TAF4B: variants seen among roughly 807,000 people sequenced by gnomAD.
TAF4B encodes the protein transcription initiation factor TFIID subunit 4B.
A neutral mutation model predicts 86.4 loss-of-function variants in TAF4B; 38 were observed. The observed-to-expected ratio is 0.44, with a 90% confidence interval of 0.34 to 0.58. The LOEUF (loss-of-function observed/expected upper bound fraction) is 0.58. Ranked by LOEUF, TAF4B falls within the 20% of genes least tolerant of loss-of-function variation. The pLI is 0.02. For synonymous variants in TAF4B, 388 were observed against 391.2 expected (o/e 0.99, Z 0.10); for missense variants, 988 against 1,027.6 (o/e 0.96, Z 0.53).
At chr18:26,265,898 G>A (rs1441251285) in intron 2 of TAF4B, 1 of 151,596 alleles carries the variant, frequency 6.6e-6, no homozygotes, top group Admixed American at 6.6e-5. Context: ...TCTGCCTCCC[G>A]AGTAGCTGGG....
intron 13 of TAF4B, among the ~76,000 whole-genome samples, chr18:26,356,791 GT>G (rs11324227): frequency 0.72 from 99,650 of 137,844 alleles, 38,181 homozygotes; most frequent in Non-Finnish European, 0.85. Context: ...CTCACTTGGT[GT>G]TTTTTTTTTT....
intron 13 of TAF4B, chr18:26,349,029 A>G (rs1567915820): frequency 6.6e-6 from 1 of 152,236 alleles, no homozygotes. Context: ...TGAATTAACC[A>G]AATAAACAAT....
At chr18:26,304,487 T>G (rs1371788155) in intron 9 of TAF4B, among the ~76,000 whole-genome samples, 1 of 152,168 alleles carries the variant, frequency 6.6e-6, no homozygotes, top group African/African-American at 2.4e-5. Context: ...TCAATAAATC[T>G]AAAACTTTGT....
intron 1 of TAF4B, among the ~76,000 whole-genome samples, chr18:26,261,050 T>A (rs2056157766): frequency 6.6e-6 from 1 of 152,174 alleles, no homozygotes; most frequent in Admixed American, 6.5e-5. Context: ...TTGGGTGTGT[T>A]ACTGTTTTTT....
chr18:26,345,928 G>C (rs2057175363), intron 13 of TAF4B, among the ~76,000 whole-genome samples: 1 of 152,180 alleles, frequency 6.6e-6, no homozygotes, highest in African/African-American at 2.4e-5. Context: ...AGTGAAATCA[G>C]GAAAACAATT....
chr18:26,251,142 G>A (rs955269024), intron 1 of TAF4B, among the ~76,000 whole-genome samples: 1 of 152,102 alleles, frequency 6.6e-6, no homozygotes, highest in Non-Finnish European at 1.5e-5. Flanking sequence ...GGTTGCAGAA[G>A]GTACCCTCAC....
chr18:26,235,659 T>C (rs1263694993), intron 1 of TAF4B, among the ~76,000 whole-genome samples: 1 of 152,066 alleles, frequency 6.6e-6, no homozygotes, highest in African/African-American at 2.4e-5. Context: ...AGACTGTCGA[T>C]GTGGGATGTG....
At chr18:26,375,243 T>A (rs1226105340) in intron 14 of TAF4B, among the ~76,000 whole-genome samples, 1 of 152,228 alleles carries the variant, frequency 6.6e-6, no homozygotes, top group Non-Finnish European at 1.5e-5. Context: ...GTAGCATGTA[T>A]CAGTACTTCA....
intron 14 of TAF4B, among the ~76,000 whole-genome samples, chr18:26,370,396 C>G (rs1436608105): frequency 6.6e-6 from 1 of 151,774 alleles, no homozygotes; most frequent in Non-Finnish European, 1.5e-5. Flanking sequence ...GAGATATTAG[C>G]AGATTCCAAT....
chr18:26,325,980 A>G (rs922509109), intron 11 of TAF4B, among the ~76,000 whole-genome samples: 8 of 152,218 alleles, frequency 5.3e-5, no homozygotes, highest in African/African-American at 1.7e-4. Flanking sequence ...AATTGAATCA[A>G]CCATAAGCAG....
chr18:26,259,449 A>G lies in TAF4B; in HGVS notation c.344-5721A>G, dbSNP rs139595392. Reference sequence around the variant, plus strand: ...CCCTCCCCCCTCCTCCCACCCCGCGACAGGCCCCAGTGTGTGATGTTCCCC... The same window carrying G: ...CCCTCCCCCCTCCTCCCACCCCGCGGCAGGCCCCAGTGTGTGATGTTCCCC... On this transcript the variant is annotated intron_variant, in intron 1 of 14. Coordinates refer to ENST00000269142, the MANE Select transcript of TAF4B (RefSeq NM_005640.3). Among the ~76,000 whole-genome samples the G allele has an allele frequency of 5.3e-3, 777 of 147,126 alleles. 1 individual carries two copies. Among genetic ancestry groups the G allele is most frequent in the Non-Finnish European group, 7.6e-3 (513 of 67,078 alleles).
At chr18:26,284,047 C>T (rs960921525) in intron 6 of TAF4B, among the ~76,000 whole-genome samples, 2 of 149,132 alleles carry the variant, frequency 1.3e-5, no homozygotes, top group African/African-American at 4.9e-5. Flanking sequence ...GAGTGAGACT[C>T]CGTCTCAAAA....
intron 9 of TAF4B, among the ~76,000 whole-genome samples, chr18:26,314,536 G>A (rs891175038): frequency 2.0e-5 from 3 of 152,188 alleles, no homozygotes; most frequent in Admixed American, 6.5e-5. Flanking sequence ...CCATTTTTGG[G>A]TAATTGCTGA....
At chr18:26,297,565 TATC>T (rs1449235788) in intron 9 of TAF4B, among the ~76,000 whole-genome samples, 1 of 152,240 alleles carries the variant, frequency 6.6e-6, no homozygotes, top group Non-Finnish European at 1.5e-5. Context: ...ACCCAATTCA[TATC>T]ATCAATATTC....
intron 9 of TAF4B, among the ~76,000 whole-genome samples, chr18:26,297,301 G>T (rs957050719): frequency 1.3e-5 from 2 of 152,104 alleles, no homozygotes; most frequent in Non-Finnish European, 2.9e-5. Flanking sequence ...AATCCTCTTC[G>T]AGAAAATTCG....
chr18:26,231,622 A>C (rs1414606296), intron 1 of TAF4B, among the ~76,000 whole-genome samples: 2 of 151,910 alleles, frequency 1.3e-5, no homozygotes, highest in Non-Finnish European at 2.9e-5. Context: ...CAAAGTGCTG[A>C]GACTGCAGGC....
Position 26,295,988 on chromosome 18 carries a change from TTG to T in TAF4B, c.1832+2479_1832+2480del, listed in dbSNP as rs34047998. Among the ~76,000 whole-genome samples, 60 of 150,098 alleles carry T rather than the reference TTG, an allele frequency of 4.0e-4. 1 individual carries two copies. Among genetic ancestry groups the T allele is most frequent in the African/African-American group, 1.1e-3 (47 of 40,922 alleles). On this transcript the variant is annotated intron_variant, in intron 9 of 14. Coordinates refer to ENST00000269142, the MANE Select transcript of TAF4B (RefSeq NM_005640.3). The stretch of plus-strand genomic sequence containing the variant: ...TAAATATTAGTTCTTGTTCACGATT[TTG>T]TGTGTGTGTGTGTGTGTGTGTTTCA...
chr18:26,264,723 G>A (rs960648440), intron 1 of TAF4B, among the ~76,000 whole-genome samples: 10 of 152,026 alleles, frequency 6.6e-5, no homozygotes, highest in Admixed American at 3.3e-4. Flanking sequence ...TATCTTTTTC[G>A]TATAGATAGC....
Position 26,341,046 on chromosome 18 carries a change from G to T in TAF4B, c.2316+5815G>T, listed in dbSNP as rs567910296. Reference sequence around the variant, plus strand: ...GTGCATACTTTATTTTGATGTGTAGGATCTATGTGTTTTGAGAGACTTATT... The same window carrying T: ...GTGCATACTTTATTTTGATGTGTAGTATCTATGTGTTTTGAGAGACTTATT... On this transcript the variant is annotated intron_variant, in intron 13 of 14. Coordinates refer to ENST00000269142, the MANE Select transcript of TAF4B (RefSeq NM_005640.3). Among the ~76,000 whole-genome samples the T allele has an allele frequency of 1.6e-3, 250 of 151,948 alleles. 1 individual carries two copies. Among genetic ancestry groups the T allele is most frequent in the African/African-American group, 5.9e-3 (244 of 41,442 alleles).
Sources: allele counts gnomAD v4.1 joint callset (sites outside exome capture counted in the v4.1 genomes callset), GRCh38; gene constraint gnomAD v4.1.1; transcripts MANE v1.5; gene names NCBI Gene and HGNC (gene_info 2026-07-23, HGNC 2026-07-21).